The following MIA3 variants were observed in gnomAD, a reference collection of about 807,000 sequenced individuals.
MIA3 encodes transport and Golgi organization protein 1 homolog.
In MIA3, 90 loss-of-function variants were observed where a neutral mutation model predicts 192.4. The ratio of observed to expected loss-of-function variants is 0.47; its 90% CI spans 0.39 to 0.56. The LOEUF is 0.56. Ranked by LOEUF, MIA3 falls within the 20% of genes least tolerant of loss-of-function variation. MIA3 has a pLI of 0.00. For missense variants in MIA3, 2,123 were observed against 2,269.4 expected, an observed-to-expected ratio of 0.94 and a Z score of 1.31; for synonymous variants, 740 against 792.8, an observed-to-expected ratio of 0.93 and a Z score of 1.12.
In MIA3 at chr1:222,632,225, A is replaced by G. The variant is rs1662428906; in HGVS notation, c.3230A>G (p.Gln1077Arg). Residue 1077 changes from glutamine (Q) to arginine (R), a missense_variant, in exon 5 of 28, where the codon CAG (glutamine) becomes CGG (arginine). Coordinates refer to ENST00000344922, the MANE Select transcript of MIA3 (RefSeq NM_198551.4). ...GAGAAGACAGCAGAACTTAATGTGC[A>G]GGTTCCTGAAGAACCCACCCACTTG... is the stretch of plus-strand genomic sequence containing the variant. ...SREKTAELNV[Q>R]VPEEPTHLDQ... is the part of the protein sequence containing the mutation. 6.2e-7 allele frequency: 1 copy of G among 1,614,046 alleles called. No individual in the cohort carries two copies. The highest frequency in any genetic ancestry group is 1.3e-5 in the African/African-American group (1 of 74,946).
In MIA3 at chr1:222,654,797, A is replaced by G. The variant is rs774483545; in HGVS notation, c.4607+4A>G. 10 of 1,612,292 alleles carry G rather than the reference A, an allele frequency of 6.2e-6. No individual in the cohort carries two copies. In the East Asian group the frequency reaches 6.7e-5, roughly 11 times the overall value. On this transcript the variant is annotated splice_donor_region_variant and intron_variant, in intron 18 of 27. Coordinates refer to ENST00000344922, the MANE Select transcript of MIA3 (RefSeq NM_198551.4). The stretch of plus-strand genomic sequence containing the variant: ...AGAAGGAGATGGCTTTGCAAAAGTA[A>G]GATTATCATCATTTACTGTTAACTG...
rs201390976 is a variant in MIA3 at position 222,650,781 on chromosome 1, T to C, written c.3799-12T>C. The stretch of plus-strand genomic sequence containing the variant: ...GTAATGAGTATAACTAACCTTAATA[T>C]CTTTTTTGTAGGATAAAATCAAGAC... On this transcript the variant is annotated splice_polypyrimidine_tract_variant and intron_variant, in intron 10 of 27. Coordinates refer to ENST00000344922, the MANE Select transcript of MIA3 (RefSeq NM_198551.4). 1 of 1,587,578 alleles carries C rather than the reference T, an allele frequency of 6.3e-7. No individual in the cohort carries two copies. Among genetic ancestry groups the C allele is most frequent in the African/African-American group, 1.4e-5 (1 of 73,802 alleles).
chr1:222,626,239 G>A (rs1367265666), intron 3 of MIA3, among the ~76,000 whole-genome samples: 19 of 152,150 alleles, frequency 1.2e-4, no homozygotes, highest in Admixed American at 1.2e-3. Flanking sequence ...AAAATTTCTC[G>A]ACGCTCTCAG....
chr1:222,665,478 A>T lies in MIA3; in HGVS notation c.5583A>T (p.Pro1861=). The change falls in exon 28 of 28, where the codon CCA becomes CCT. Residue 1861 remains proline (P), a synonymous_variant. Coordinates refer to ENST00000344922, the MANE Select transcript of MIA3 (RefSeq NM_198551.4). ...REYFIPGTRL[P]PPTHGPQEYP... ...ACTTTATTCCTGGTACCCGATTACC[A>T]CCCCCAACCCATGGTCCCCAGGAAT... 1 of 1,613,226 alleles carries T rather than the reference A, an allele frequency of 6.2e-7. No individual in the cohort carries two copies. Among genetic ancestry groups the T allele is most frequent in the Non-Finnish European group, 8.5e-7 (1 of 1,179,818 alleles).
chr1:222,655,190 T>C (rs1410169051), intron 18 of MIA3, among the ~76,000 whole-genome samples: 1 of 152,232 alleles, frequency 6.6e-6, no homozygotes, highest in East Asian at 1.9e-4. Flanking sequence ...GAATAAAAAC[T>C]TCAAAAAAGG....
chr1:222,620,127 C>A (rs1028526820), intron 1 of MIA3, among the ~76,000 whole-genome samples: 1 of 152,112 alleles, frequency 6.6e-6, no homozygotes, highest in African/African-American at 2.4e-5. Flanking sequence ...AAACAAGTAG[C>A]CCCTTCCAAA....
rs1214108776 is a variant in MIA3 at position 222,627,729 on chromosome 1, A to T, written c.509A>T (p.Glu170Val). ...KTLQDMEKNP[E>V]LSKEREPEPE... ...TTACAGGATATGGAAAAAAACCCTG[A>T]ATTATCTAAGGAAAGGGAACCTGAA... Residue 170 changes from glutamate (E) to valine (V), a missense_variant, in exon 4 of 28, where the codon GAA (glutamate) becomes GTA (valine). Physicochemically the swap from Glu to Val is moderately radical, Grantham distance 121 (BLOSUM62 -2). Around this residue, in one of 3 missense-constraint regions of MIA3, gnomAD observed 1,357 missense variants for 1,396.1 expected, o/e 0.97. Coordinates refer to ENST00000344922, the MANE Select transcript of MIA3 (RefSeq NM_198551.4). 1.2e-6 allele frequency: 2 copies of T among 1,613,228 alleles called. No individual in the cohort carries two copies. Among genetic ancestry groups the T allele is most frequent in the East Asian group, 4.5e-5 (2 of 44,898 alleles).
At chr1:222,642,900 C>T (rs1250296153) in intron 6 of MIA3, among the ~76,000 whole-genome samples, 1 of 144,488 alleles carries the variant, frequency 6.9e-6, no homozygotes, top group Non-Finnish European at 1.5e-5. Context: ...GGTTTGCTAG[C>T]GGCTATCTTC....
In MIA3 at chr1:222,629,168, A is replaced by G. The variant is rs748353676; in HGVS notation, c.1948A>G (p.Ile650Val). Residue 650 changes from isoleucine to valine, a missense_variant, in exon 4 of 28, where the codon ATT becomes GTT. Physicochemically the swap from Ile to Val is conservative, Grantham distance 29 (BLOSUM62 3). Around this residue, in one of 3 missense-constraint regions of MIA3, gnomAD observed 1,357 missense variants for 1,396.1 expected, o/e 0.97. Coordinates refer to ENST00000344922, the MANE Select transcript of MIA3 (RefSeq NM_198551.4). ...LPRELEDEVP[I>V]LGRNLPWQQE... is the part of the protein sequence containing the mutation. ...CAGAGAACTGGAAGACGAGGTTCCCATTCTGGGAAGAAATCTTCCCTGGCA... is the reference window on the plus strand; with the variant it reads ...CAGAGAACTGGAAGACGAGGTTCCCGTTCTGGGAAGAAATCTTCCCTGGCA... 8.1e-6 allele frequency: 13 copies of G among 1,614,170 alleles called. No individual in the cohort carries two copies. In the South Asian group the frequency reaches 8.8e-5, roughly 11 times the overall value.
In MIA3 at chr1:222,628,916, CAAAT is replaced by C. The variant is rs1172013098; in HGVS notation, c.1697_1700del (p.Gln566ArgfsTer35). 5 of 1,614,154 alleles carry C rather than the reference CAAAT, an allele frequency of 3.1e-6. No individual in the cohort carries two copies. Among genetic ancestry groups the C allele is most frequent in the Admixed American group, 1.7e-5 (1 of 60,024 alleles). The stretch of plus-strand genomic sequence containing the variant: ...ATCTGCACAGAAAGCTGCAGGGAAT[CAAAT>C]GAATGACAGAAAGATTCAACAGGAA... On this transcript the variant is annotated frameshift_variant, in exon 4 of 28. Transcript: ENST00000344922. LOFTEE classifies it high-confidence loss of function.
intron 1 of MIA3, among the ~76,000 whole-genome samples, chr1:222,619,155 A>G (rs1036832686): frequency 6.6e-6 from 1 of 152,192 alleles, no homozygotes; most frequent in Non-Finnish European, 1.5e-5. Flanking sequence ...AGGTTATTAC[A>G]GGAATGACAG....
At chr1:222,618,780 A>G (rs1661728599) in intron 1 of MIA3, among the ~76,000 whole-genome samples, 1 of 151,664 alleles carries the variant, frequency 6.6e-6, no homozygotes, top group Non-Finnish European at 1.5e-5. Context: ...TTTGTTTGGA[A>G]AGGCTCCCTG....
intron 15 of MIA3, 70 bp downstream of exon 15, chr1:222,653,409 C>A: frequency 1.1e-6 from 1 of 923,722 alleles, no homozygotes; most frequent in Non-Finnish European, 1.7e-6. Context: ...TGCTACTTTT[C>A]AGCTGGCTGC....
chr1:222,653,288 C>G lies in MIA3; in HGVS notation c.4270C>G (p.Gln1424Glu). The G allele has an allele frequency of 6.2e-7, 1 of 1,613,876 alleles. No homozygotes were observed. The highest frequency in any genetic ancestry group is 8.5e-7 in the Non-Finnish European group (1 of 1,179,838). The change falls in exon 15 of 28, where the codon CAA becomes GAA. Residue 1424 changes from glutamine to glutamate, a missense_variant. Around this residue, in one of 3 missense-constraint regions of MIA3, gnomAD observed 762 missense variants for 856.4 expected, o/e 0.89. Coordinates refer to ENST00000344922, the MANE Select transcript of MIA3 (RefSeq NM_198551.4). ...LLECESESEGQNKGGNDSDEL... is the reference protein window; with the variant it reads ...LLECESESEGENKGGNDSDEL... ...AGAGTGTGAATCTGAATCTGAGGGT[C>G]AAAATAAAGGTGGAAATGATTCAGA...
chr1:222,661,999 C>G, intron 24 of MIA3, 57 bp from the exon 25 acceptor site: 1 of 1,436,644 alleles, frequency 7.0e-7, no homozygotes, highest in Non-Finnish European at 9.7e-7. Flanking sequence ...GATCTGTCCA[C>G]AATTTATTAT....
chr1:222,660,371 T>A, intron 24 of MIA3, 57 bp downstream of exon 24: 1 of 1,543,834 alleles, frequency 6.5e-7, no homozygotes, highest in Non-Finnish European at 8.7e-7. Flanking sequence ...TCCCTTTTAT[T>A]TGAGAATTCT....
chr1:222,644,384 T>C (rs1231066495), intron 6 of MIA3: 36 of 1,529,346 alleles, frequency 2.4e-5, no homozygotes, highest in African/African-American at 2.8e-5. Flanking sequence ...GCCCCCTGAA[T>C]TGGGGCCTTT....
chr1:222,657,512 T>C (rs1218347939), intron 18 of MIA3, among the ~76,000 whole-genome samples: 1 of 152,264 alleles, frequency 6.6e-6, no homozygotes, highest in African/African-American at 2.4e-5. Flanking sequence ...CACTGCCTTA[T>C]TAGCTTTCTG....
Position 222,658,770 on chromosome 1 carries a change from G to A in MIA3, c.4656G>A (p.Leu1552=). 1 of 1,613,270 alleles carries A rather than the reference G, an allele frequency of 6.2e-7. No individual in the cohort carries two copies. The highest frequency in any genetic ancestry group is 8.5e-7 in the Non-Finnish European group (1 of 1,179,598). Residue 1552 remains leucine, a synonymous_variant, in exon 19 of 28, where the codon CTG becomes CTA. Coordinates refer to ENST00000344922, the MANE Select transcript of MIA3 (RefSeq NM_198551.4). ...EYERQEREHR[L]SAADEKAVSA... Reference sequence around the variant, plus strand: ...AACGGCAAGAAAGAGAGCACAGGCTGTCAGCTGCAGATGAAAAGGCAGTTT... The same window carrying A: ...AACGGCAAGAAAGAGAGCACAGGCTATCAGCTGCAGATGAAAAGGCAGTTT...
Sources: gnomAD v4.1 joint callset for allele counts (sites outside exome capture counted in the v4.1 genomes callset) on GRCh38, gnomAD v4.1.1 for gene constraint, gnomAD v4.1.1 regional missense constraint, MANE v1.5 for transcripts, NCBI Gene and HGNC (gene_info 2026-07-23, HGNC 2026-07-21) for gene names.